The following SYNDIG1 variants were observed in gnomAD, a reference collection of about 807,000 sequenced individuals.
SYNDIG1 encodes synapse differentiation-inducing gene protein 1.
Under a neutral mutation model 19.4 loss-of-function variants are expected in SYNDIG1, and 9 were observed. The ratio of observed to expected loss-of-function variants is 0.46; its 90% CI spans 0.28 to 0.81. The LOEUF (loss-of-function observed/expected upper bound fraction) is 0.81. Among genes scored for constraint, SYNDIG1 ranks in the 30% least tolerant of loss-of-function variants. SYNDIG1 has a pLI of 0.12. For synonymous variants in SYNDIG1, 141 were observed against 145.9 expected (o/e 0.97, Z 0.24); for missense variants, 311 against 343.3 (o/e 0.91, Z 0.74).
chr20:24,663,255 G>T (rs2147412010), intron 3 of SYNDIG1, among the ~76,000 whole-genome samples: 1 of 152,242 alleles, frequency 6.6e-6, no homozygotes, highest in Non-Finnish European at 1.5e-5. Flanking sequence ...CAGCGATCAG[G>T]CCCCTAACAC....
At position 24,612,137 on chromosome 20, in the gene SYNDIG1, G is replaced by C. The variant is rs145443511; in HGVS notation, c.618+27144G>C. Among the ~76,000 whole-genome samples the C allele has an allele frequency of 1.8e-3, 273 of 152,346 alleles. 2 individuals are homozygous for C. Among genetic ancestry groups the C allele is most frequent in the South Asian group, 0.014 (66 of 4,832 alleles). On this transcript the variant is annotated intron_variant, in intron 3 of 3. Transcript: ENST00000376862. ...ATTCAACCTGCCACCATTGTGTGCTGTTCATGAGAAAGGCTGATTCTTTCT... is the reference window on the plus strand; with the variant it reads ...ATTCAACCTGCCACCATTGTGTGCTCTTCATGAGAAAGGCTGATTCTTTCT...
At chr20:24,590,117 C>T (rs1221745347) in intron 3 of SYNDIG1, among the ~76,000 whole-genome samples, 3 of 152,300 alleles carry the variant, frequency 2.0e-5, no homozygotes, top group African/African-American at 4.8e-5. Context: ...CTGGGAGAAA[C>T]GTTTTTAACA....
At chr20:24,605,916 A>T (rs546552340) in intron 3 of SYNDIG1, among the ~76,000 whole-genome samples, 2 of 152,320 alleles carry the variant, frequency 1.3e-5, no homozygotes, top group South Asian at 4.1e-4. Flanking sequence ...CATTTCCAAC[A>T]TGTGATCATT....
chr20:24,654,731 T>G (rs1027739663), intron 3 of SYNDIG1, among the ~76,000 whole-genome samples: 6 of 151,510 alleles, frequency 4.0e-5, no homozygotes, highest in Non-Finnish European at 7.4e-5. Flanking sequence ...ATCAAAGCCC[T>G]TCAAATCAAC....
intron 3 of SYNDIG1, among the ~76,000 whole-genome samples, chr20:24,610,454 G>C (rs554510057): frequency 2.0e-5 from 3 of 152,196 alleles, no homozygotes; most frequent in African/African-American, 4.8e-5. Flanking sequence ...CTGCACACGG[G>C]GGGGCGAGTG....
At chr20:24,597,311 T>C (rs1157564543) in intron 3 of SYNDIG1, among the ~76,000 whole-genome samples, 2 of 152,170 alleles carry the variant, frequency 1.3e-5, no homozygotes, top group African/African-American at 4.8e-5. Flanking sequence ...GCGTGTACTT[T>C]CCCTTGTTCC....
At chr20:24,569,248 C>T (rs1391845034) in intron 2 of SYNDIG1, among the ~76,000 whole-genome samples, 1 of 152,152 alleles carries the variant, frequency 6.6e-6, no homozygotes, top group Admixed American at 6.5e-5. Flanking sequence ...ATATTCAAAT[C>T]CAGGCAGCGT....
chr20:24,653,778 G>A (rs1000136906), intron 3 of SYNDIG1, among the ~76,000 whole-genome samples: 6 of 152,206 alleles, frequency 3.9e-5, no homozygotes, highest in Non-Finnish European at 8.8e-5. Context: ...AGGTTGGCAG[G>A]GCTGGATTCT....
At chr20:24,487,006 G>A (rs7272293) in intron 1 of SYNDIG1, among the ~76,000 whole-genome samples, 20 of 152,010 alleles carry the variant, frequency 1.3e-4, no homozygotes, top group African/African-American at 3.9e-4. Context: ...CTGCTAGCCC[G>A]CAGGACACAC....
chr20:24,579,655 T>C (rs2146991007), intron 2 of SYNDIG1, among the ~76,000 whole-genome samples: 1 of 152,324 alleles, frequency 6.6e-6, no homozygotes, highest in South Asian at 2.1e-4. Flanking sequence ...GTTGGTTGTG[T>C]GTACTTGTGA....
intron 1 of SYNDIG1, among the ~76,000 whole-genome samples, chr20:24,532,652 T>C (rs995879774): frequency 6.6e-6 from 1 of 152,184 alleles, no homozygotes; most frequent in African/African-American, 2.4e-5. Context: ...AAAATACTAA[T>C]TAAAGTTAAA....
chr20:24,558,028 G>A (rs1303471621), intron 2 of SYNDIG1, among the ~76,000 whole-genome samples: 2 of 152,180 alleles, frequency 1.3e-5, no homozygotes, highest in Admixed American at 1.3e-4. Flanking sequence ...GGTTTATATA[G>A]CAGGGAAGAA....
At chr20:24,585,056 G>GGGGGGGGCCCCC in intron 3 of SYNDIG1, 63 bp downstream of exon 3, 1 of 545,658 alleles carries the variant, frequency 1.8e-6, no homozygotes, top group Non-Finnish European at 3.4e-6. Context: ...GGTGGGGGCG[G>GGGGGGGGCCCCC]CAATCCCAGC....
intron 3 of SYNDIG1, among the ~76,000 whole-genome samples, chr20:24,662,747 T>C (rs1164383467): frequency 3.3e-5 from 5 of 152,218 alleles, no homozygotes; most frequent in Non-Finnish European, 7.3e-5. Context: ...TATTTTCCAA[T>C]GAAAGGCCAA....
At chr20:24,551,601 T>TTCTTCTTATAATGTATATTCA (rs1291742518) in intron 2 of SYNDIG1, among the ~76,000 whole-genome samples, 1 of 152,120 alleles carries the variant, frequency 6.6e-6, no homozygotes. Context: ...TGACATTTGT[T>TTCTTCTTATAATGTATATTCA]TCTTCTTATA....
At chr20:24,557,105 T>A (rs2057837058) in intron 2 of SYNDIG1, among the ~76,000 whole-genome samples, 1 of 152,246 alleles carries the variant, frequency 6.6e-6, no homozygotes. Flanking sequence ...CATCAGCTCC[T>A]GAGGCTTCTG....
intron 2 of SYNDIG1, among the ~76,000 whole-genome samples, chr20:24,549,104 T>G (rs2057650349): frequency 6.6e-6 from 1 of 152,154 alleles, no homozygotes; most frequent in African/African-American, 2.4e-5. Context: ...TATTTGAAAC[T>G]GCATAATATA....
intron 1 of SYNDIG1, chr20:24,502,271 G>A (rs1425905648): frequency 6.6e-6 from 1 of 152,320 alleles, no homozygotes; most frequent in African/African-American, 2.4e-5. Flanking sequence ...CATCCTGGAT[G>A]CAGGAGTCAT....
chr20:24,547,246 C>G (rs1203084175), intron 2 of SYNDIG1, among the ~76,000 whole-genome samples: 7 of 152,222 alleles, frequency 4.6e-5, no homozygotes, highest in African/African-American at 1.4e-4. Flanking sequence ...AATCACTTTC[C>G]CAAGACAGGT....
Sources: gnomAD v4.1 joint callset for allele counts (sites outside exome capture counted in the v4.1 genomes callset) on GRCh38, gnomAD v4.1.1 for gene constraint, MANE v1.5 for transcripts, NCBI Gene and HGNC (gene_info 2026-07-23, HGNC 2026-07-21) for gene names.